The following GXYLT2 variants were observed in gnomAD, a reference collection of about 807,000 sequenced individuals.
The protein encoded by GXYLT2 is glucoside xylosyltransferase 2.
A neutral mutation model predicts 45.8 loss-of-function variants in GXYLT2; 53 were observed. The observed-to-expected ratio is 1.16, with a 90% CI of 0.93 to 1.46. The LOEUF is 1.46. Among genes scored for constraint, GXYLT2 ranks in the 40% most tolerant of loss-of-function variants. The pLI is 0.00. For missense variants in GXYLT2, 551 were observed against 544.4 expected (o/e 1.01, Z -0.12); for synonymous variants, 219 against 214.2 (o/e 1.02, Z -0.19).
intron 1 of GXYLT2, among the ~76,000 whole-genome samples, chr3:72,901,076 G>T (rs1465743573): frequency 6.6e-6 from 1 of 152,014 alleles, no homozygotes; most frequent in Non-Finnish European, 1.5e-5. Context: ...ATCACCTGAG[G>T]TCAGGAGTTC....
rs545346570 is a variant in GXYLT2, at chr3:72,894,140, C to T, written c.275+5632C>T. On this transcript the variant is annotated intron_variant, in intron 1 of 6. Coordinates refer to ENST00000389617, the MANE Select transcript of GXYLT2 (RefSeq NM_001080393.2). ...GCTGCCACCATATTCATAAGGGAAT[C>T]GCCTTTAGGATGAAGCCATCTGTTT... Among the ~76,000 whole-genome samples the T allele has an allele frequency of 1.4e-3, 220 of 152,282 alleles. 1 individual carries two copies. Among genetic ancestry groups the T allele is most frequent in the African/African-American group, 5.1e-3 (211 of 41,560 alleles).
intron 3 of GXYLT2, among the ~76,000 whole-genome samples, chr3:72,926,492 A>G (rs931495353): frequency 6.6e-6 from 1 of 152,222 alleles, no homozygotes; most frequent in African/African-American, 2.4e-5. Context: ...GCCAATTACA[A>G]ATAAATCAAA....
chr3:72,964,299 G>A (rs922236703), intron 5 of GXYLT2, among the ~76,000 whole-genome samples: 1 of 152,026 alleles, frequency 6.6e-6, no homozygotes, highest in Non-Finnish European at 1.5e-5. Context: ...AGGTTGCAAA[G>A]AGAGAAAAGG....
At chr3:72,971,481 G>A (rs78709571) in intron 6 of GXYLT2, among the ~76,000 whole-genome samples, 185 of 152,256 alleles carry the variant, frequency 1.2e-3, no homozygotes, top group African/African-American at 4.3e-3. Context: ...CAATTTTGCC[G>A]CTTTCTGGTG....
chr3:72,934,442 A>C (rs1362229779), intron 3 of GXYLT2, among the ~76,000 whole-genome samples: 2 of 152,134 alleles, frequency 1.3e-5, no homozygotes, highest in African/African-American at 4.8e-5. Context: ...AATAGTATTT[A>C]CCAACCTTGA....
Position 72,958,703 on chromosome 3 carries a change from C to T in GXYLT2, c.976+1351C>T, listed in dbSNP as rs1033421600. 2.7e-5 allele frequency among the ~76,000 whole-genome samples: 4 copies of T among 147,572 alleles called. No homozygotes were observed. The South Asian group carries it at 6.5e-4, about 24-fold the overall frequency. On this transcript the variant is annotated intron_variant, in intron 5 of 6. Coordinates refer to ENST00000389617, the MANE Select transcript of GXYLT2 (RefSeq NM_001080393.2). Reference sequence around the variant, plus strand: ...CTGGAGTGCAGTGACACAATCTCAGCTCACTGCAATCTCTGCCTCCTGGGT... The same window carrying T: ...CTGGAGTGCAGTGACACAATCTCAGTTCACTGCAATCTCTGCCTCCTGGGT...
chr3:72,908,644 A>T, intron 2 of GXYLT2, 85 bp downstream of exon 2: 1 of 1,094,990 alleles, frequency 9.1e-7, no homozygotes, highest in Non-Finnish European at 1.3e-6. Flanking sequence ...TAACTAATGT[A>T]TTTTGCTGCA....
chr3:72,915,109 C>A (rs61421911), intron 2 of GXYLT2, among the ~76,000 whole-genome samples: 9,848 of 151,936 alleles, frequency 0.065, 991 homozygotes, highest in African/African-American at 0.22. Flanking sequence ...CAAGATGGCA[C>A]CACTGCACTC....
chr3:72,931,519 G>A (rs1411252334), intron 3 of GXYLT2, among the ~76,000 whole-genome samples: 1 of 152,050 alleles, frequency 6.6e-6, no homozygotes, highest in African/African-American at 2.4e-5. Flanking sequence ...GTGAGCCACC[G>A]CGCCCGGCCT....
intron 2 of GXYLT2, among the ~76,000 whole-genome samples, chr3:72,917,867 A>G (rs1425725632): frequency 6.6e-6 from 1 of 152,176 alleles, no homozygotes; most frequent in African/African-American, 2.4e-5. Flanking sequence ...ACTAATGCTC[A>G]GGGAGAACAG....
intron 2 of GXYLT2, among the ~76,000 whole-genome samples, chr3:72,917,298 A>G (rs1041526353): frequency 6.6e-6 from 1 of 151,950 alleles, no homozygotes; most frequent in Admixed American, 6.6e-5. Flanking sequence ...CGGTGGTACA[A>G]TTGTACTGGT....
At chr3:72,972,274 T>A (rs1452349312) in intron 6 of GXYLT2, among the ~76,000 whole-genome samples, 1 of 152,158 alleles carries the variant, frequency 6.6e-6, no homozygotes, top group African/African-American at 2.4e-5. Context: ...TTATGAAGCA[T>A]CTATTTTATG....
intron 3 of GXYLT2, among the ~76,000 whole-genome samples, chr3:72,939,446 TACA>T (rs759277159): frequency 6.6e-6 from 1 of 151,836 alleles, no homozygotes; most frequent in Non-Finnish European, 1.5e-5. Flanking sequence ...CAACAACAAC[TACA>T]ACAACAAAAC....
chr3:72,925,802 C>T (rs1257108828), intron 3 of GXYLT2, among the ~76,000 whole-genome samples: 1 of 152,116 alleles, frequency 6.6e-6, no homozygotes, highest in Non-Finnish European at 1.5e-5. Flanking sequence ...AATTCTTTCC[C>T]AGCTAAGTAG....
At chr3:72,925,014 G>A (rs73838420) in intron 3 of GXYLT2, among the ~76,000 whole-genome samples, 1,888 of 152,066 alleles carry the variant, frequency 0.012, 39 homozygotes, top group African/African-American at 0.043. Context: ...CACATCTATC[G>A]GTCTGGAAAC....
chr3:72,956,183 C>T (rs545557936), intron 4 of GXYLT2, among the ~76,000 whole-genome samples: 10 of 151,786 alleles, frequency 6.6e-5, no homozygotes, highest in Admixed American at 5.3e-4. Flanking sequence ...CCCAGGAGGT[C>T]GAGGCTGCAT....
intron 5 of GXYLT2, among the ~76,000 whole-genome samples, chr3:72,966,203 T>C (rs1231044145): frequency 6.6e-6 from 1 of 151,972 alleles, no homozygotes; most frequent in Non-Finnish European, 1.5e-5. Context: ...GGTCTCGAAC[T>C]CCTGACCTCA....
intron 6 of GXYLT2, among the ~76,000 whole-genome samples, chr3:72,972,589 C>A (rs1324489736): frequency 7.5e-6 from 1 of 133,560 alleles, no homozygotes; most frequent in East Asian, 2.3e-4. Context: ...TGCAGTGAGC[C>A]AAGATCGCAC....
intron 3 of GXYLT2, among the ~76,000 whole-genome samples, chr3:72,947,919 T>C (rs866551536): frequency 5.9e-5 from 9 of 152,194 alleles, no homozygotes; most frequent in African/African-American, 2.2e-4. Flanking sequence ...TGCATAACGA[T>C]GTAAGGATCA....
Sources: allele counts gnomAD v4.1 joint callset (sites outside exome capture counted in the v4.1 genomes callset), GRCh38; gene constraint gnomAD v4.1.1; transcripts MANE v1.5; gene names NCBI Gene and HGNC (gene_info 2026-07-23, HGNC 2026-07-21).